Variants in USP43 observed in about 807,000 individuals in gnomAD.
USP43 encodes ubiquitin carboxyl-terminal hydrolase 43.
USP43 carries 33 observed loss-of-function variants against 90.7 expected under a neutral mutation model. The observed-to-expected ratio is 0.36, with a 90% CI of 0.28 to 0.49. USP43 has a LOEUF of 0.49. Ranked by LOEUF, USP43 falls within the 20% of genes least tolerant of loss-of-function variation. The probability of loss-of-function intolerance (pLI) is 0.98; values close to 1 mark genes in which losing one functional copy is unlikely to be tolerated. For missense variants in USP43, 1,274 were observed against 1,476.4 expected (o/e 0.86, Z 2.25); for synonymous variants, 598 against 615.8 (o/e 0.97, Z 0.43).
chr17:9,681,190 T>TAG (rs1914187196), intron 6 of USP43, among the ~76,000 whole-genome samples: 3 of 102,966 alleles, frequency 2.9e-5, no homozygotes, highest in African/African-American at 1.3e-4. Flanking sequence ...ATATACTATA[T>TAG]AATATATACT....
At chr17:9,675,658 T>G (rs966091028) in intron 4 of USP43, among the ~76,000 whole-genome samples, 1 of 152,162 alleles carries the variant, frequency 6.6e-6, no homozygotes, top group African/African-American at 2.4e-5. Flanking sequence ...CTCTTCCTAT[T>G]GACATCCCCT....
rs1159272431 is a variant in USP43, at chr17:9,709,346, T to G, written c.2012-610T>G. On this transcript the variant is annotated intron_variant, in intron 12 of 14. Coordinates refer to ENST00000285199, the MANE Select transcript of USP43 (RefSeq NM_153210.5). The surrounding 1 kb of genome is among the most constrained non-coding windows in gnomAD (Gnocchi z 5.0). ...AATGGGGTGAACGCTGACATTATTG[T>G]TTGGCTACCTAACTTGGGAGCTCCC... Among the ~76,000 whole-genome samples the G allele has an allele frequency of 6.6e-6, 1 of 152,180 alleles. No homozygotes were observed. Among genetic ancestry groups the G allele is most frequent in the Non-Finnish European group, 1.5e-5 (1 of 68,032 alleles).
chr17:9,702,185 AC>A (rs571025898), intron 12 of USP43, among the ~76,000 whole-genome samples: 1 of 150,894 alleles, frequency 6.6e-6, no homozygotes, highest in Non-Finnish European at 1.5e-5. Context: ...ACAAAGTGAG[AC>A]CCCCGTCTCT....
intron 2 of USP43, among the ~76,000 whole-genome samples, chr17:9,657,585 A>G (rs1912351959): frequency 6.6e-6 from 1 of 152,190 alleles, no homozygotes; most frequent in South Asian, 2.1e-4. Flanking sequence ...TTACAGTTCC[A>G]CATGGCTGGG....
In USP43 at chr17:9,701,780, G is replaced by A; in HGVS notation, c.2011+80G>A. The A allele has an allele frequency of 8.0e-7, 1 of 1,253,620 alleles. No homozygotes were observed. Among genetic ancestry groups the A allele is most frequent in the Non-Finnish European group, 1.1e-6 (1 of 922,480 alleles). 77.7% of individuals were successfully genotyped at this position (1,253,620 alleles called of 1,614,324 possible). ...TCCCTGGAATGGGTGTTGCTCAGAT[G>A]CTGAGCTCCCTGGGGCACTTATTGA... On this transcript the variant is annotated intron_variant, in intron 12 of 14. Transcript: ENST00000285199. This position sits in a 1 kb window ranked among gnomAD's most constrained non-coding sequence, Gnocchi z 7.2.
At chr17:9,683,511 A>G (rs1914424494) in intron 7 of USP43, among the ~76,000 whole-genome samples, 1 of 152,202 alleles carries the variant, frequency 6.6e-6, no homozygotes, top group Non-Finnish European at 1.5e-5. Flanking sequence ...TTATTTAATA[A>G]TAATTAAACT....
At chr17:9,722,947 A>C (rs1917043756) in intron 14 of USP43, among the ~76,000 whole-genome samples, 1 of 152,154 alleles carries the variant, frequency 6.6e-6, no homozygotes, top group African/African-American at 2.4e-5. Context: ...TGCAGTGTCC[A>C]CTGTGCACCA....
At chr17:9,723,735 C>A (rs1374975894) in intron 14 of USP43, among the ~76,000 whole-genome samples, 1 of 151,516 alleles carries the variant, frequency 6.6e-6, no homozygotes, top group Middle Eastern at 3.2e-3. Context: ...AGGTGCGCAC[C>A]ACCACACCTG....
In USP43 at chr17:9,707,225, C is replaced by T. The variant is rs535911778; in HGVS notation, c.2012-2731C>T. ...TGATGTGCGCATCCATTTACGTACG[C>T]GCACATGTGTGTTTATGTGTACATA... On this transcript the variant is annotated intron_variant, in intron 12 of 14. Coordinates refer to ENST00000285199, the MANE Select transcript of USP43 (RefSeq NM_153210.5). Among the ~76,000 whole-genome samples the T allele has an allele frequency of 1.4e-3, 207 of 152,204 alleles. 2 individuals are homozygous for T. The highest frequency in any genetic ancestry group is 2.3e-3 in the Admixed American group (35 of 15,292).
At chr17:9,682,181 T>C (rs1245673475) in intron 6 of USP43, among the ~76,000 whole-genome samples, 1 of 152,214 alleles carries the variant, frequency 6.6e-6, no homozygotes, top group Non-Finnish European at 1.5e-5. Context: ...CTGGGGACTC[T>C]GTAATGAAGT....
chr17:9,720,010 T>G (rs1429786888), intron 14 of USP43, among the ~76,000 whole-genome samples: 3 of 152,144 alleles, frequency 2.0e-5, no homozygotes, highest in Non-Finnish European at 4.4e-5. Flanking sequence ...GAGGTTGCAC[T>G]GAGCCTTGAT....
At chr17:9,699,072 C>T (rs561651813) in intron 9 of USP43, among the ~76,000 whole-genome samples, 27 of 152,338 alleles carry the variant, frequency 1.8e-4, no homozygotes, top group African/African-American at 6.0e-4. Flanking sequence ...ACCTGCAAGG[C>T]AGAGCTGCTT....
chr17:9,703,099 A>C (rs1915670246), intron 12 of USP43, among the ~76,000 whole-genome samples: 1 of 151,720 alleles, frequency 6.6e-6, no homozygotes, highest in Non-Finnish European at 1.5e-5. Context: ...CCCCTGTCTC[A>C]CTTCTCTGGG....
At chr17:9,704,192 A>G (rs573032363) in intron 12 of USP43, among the ~76,000 whole-genome samples, 2 of 152,236 alleles carry the variant, frequency 1.3e-5, no homozygotes, top group East Asian at 3.9e-4. Flanking sequence ...CTGGAATTTC[A>G]TAGAGTGTGC....
In USP43 at chr17:9,700,314, T is replaced by C. The variant is rs571090648; in HGVS notation, c.1535+65T>C. The stretch of plus-strand genomic sequence containing the variant: ...GGGCCTGTGTGTGCCCAGGTTTCCC[T>C]GGACGCAGCTTCCCCCAGCACGGCT... On this transcript the variant is annotated intron_variant, in intron 10 of 14. Coordinates refer to ENST00000285199, the MANE Select transcript of USP43 (RefSeq NM_153210.5). 5 of 1,484,584 alleles carry C rather than the reference T, an allele frequency of 3.4e-6. No individual in the cohort carries two copies. In the Admixed American group the frequency reaches 8.0e-5, roughly 24 times the overall value. The allele number at this position is 1,484,584 out of a possible 1,614,324, so 92.0% of individuals were successfully genotyped here. A position where few individuals can be genotyped will look rare whatever the true frequency, so the allele number is the denominator to read the frequency against.
At chr17:9,663,917 G>A (rs1366790878) in intron 2 of USP43, among the ~76,000 whole-genome samples, 2 of 152,174 alleles carry the variant, frequency 1.3e-5, no homozygotes, top group African/African-American at 4.8e-5. Flanking sequence ...CAGCCACTGT[G>A]CCCAGCCTGG....
rs73975790 is a variant in USP43 at position 9,686,950 on chromosome 17, C to A, written c.1353+41C>A. The A allele has an allele frequency of 3.2e-6, 5 of 1,561,836 alleles. No individual in the cohort carries two copies. The East Asian group carries it at 6.7e-5, about 21-fold the overall frequency. On this transcript the variant is annotated intron_variant, in intron 8 of 14. Coordinates refer to ENST00000285199, the MANE Select transcript of USP43 (RefSeq NM_153210.5). The surrounding 1 kb of genome is among the most constrained non-coding windows in gnomAD (Gnocchi z 5.5). ...GCGTGTGTGTGTGTGTGCGTGCATG[C>A]GCATGTGCATGCGTGTGTGTGGGTG... is the stretch of plus-strand genomic sequence containing the variant.
At chr17:9,667,172 G>A (rs531141359) in intron 3 of USP43, among the ~76,000 whole-genome samples, 3 of 151,996 alleles carry the variant, frequency 2.0e-5, no homozygotes, top group Non-Finnish European at 2.9e-5. Context: ...TACAGCCTGG[G>A]CAACATAGGG....
chr17:9,726,176 G>GTGCT (rs759861632), intron 14 of USP43, among the ~76,000 whole-genome samples: 21 of 152,222 alleles, frequency 1.4e-4, no homozygotes, highest in African/African-American at 5.1e-4. Flanking sequence ...TTCTCCAGGG[G>GTGCT]TGCTTGGTCG....
Sources: gnomAD v4.1 joint callset for allele counts (sites outside exome capture counted in the v4.1 genomes callset) on GRCh38, gnomAD v4.1.1 for gene constraint, Gnocchi (gnomAD v3.1) non-coding constraint, MANE v1.5 for transcripts, NCBI Gene and HGNC (gene_info 2026-07-23, HGNC 2026-07-21) for gene names.